ZNF678: variants seen among roughly 807,000 people sequenced by gnomAD.
ZNF678 encodes zinc finger protein 678.
In ZNF678, 5 loss-of-function variants were observed where a neutral mutation model predicts 3.0. That is an observed-to-expected ratio of 1.69 (90% CI 0.88 to 3.56). ZNF678 has a LOEUF of 3.56. Among genes scored for constraint, ZNF678 ranks in the 30% most tolerant of loss-of-function variants. The pLI is 0.00. For synonymous variants in ZNF678, 218 were observed against 199.6 expected (o/e 1.09, Z -0.78); for missense variants, 593 against 605.0 (o/e 0.98, Z 0.21).
At chr1:227,667,730 G>A (rs1209037918) in intron 5 of ZNF678, among the ~76,000 whole-genome samples, 2 of 152,170 alleles carry the variant, frequency 1.3e-5, no homozygotes, top group African/African-American at 2.4e-5. Flanking sequence ...TGTATTTAAT[G>A]TAGTCAGAGA....
Position 227,638,167 on chromosome 1 carries a change from G to A in ZNF678, c.-163-8377G>A, listed in dbSNP as rs367973807. Among the ~76,000 whole-genome samples, 2 of 152,138 alleles carry A rather than the reference G, an allele frequency of 1.3e-5. No homozygotes were observed. The highest frequency in any genetic ancestry group is 4.1e-4 in the South Asian group (2 of 4,822). ...AGCTGACGTGAAAGGTGGGTGTCGG[G>A]GTTTTCCCAAGTAAAGGCAAAGAGG... is the stretch of plus-strand genomic sequence containing the variant. On this transcript the variant is annotated intron_variant, in intron 1 of 3. Coordinates refer to ENST00000343776, the MANE Select transcript of ZNF678 (RefSeq NM_001367909.1). This position sits in a 1 kb window ranked among gnomAD's most constrained non-coding sequence, Gnocchi z 4.2.
intron 1 of ZNF678, among the ~76,000 whole-genome samples, chr1:227,593,855 TCCC>T (rs75114799): frequency 3.1e-4 from 20 of 63,832 alleles, no homozygotes; most frequent in South Asian, 2.4e-3. Flanking sequence ...TATGAGTCCA[TCCC>T]CCCCCCCCCT....
At chr1:227,623,285 A>G (rs745868595) in intron 1 of ZNF678, among the ~76,000 whole-genome samples, 18 of 152,264 alleles carry the variant, frequency 1.2e-4, no homozygotes, top group Admixed American at 5.2e-4. Flanking sequence ...GAAGGAATGC[A>G]GAAAGTAGTA....
chr1:227,598,939 T>G, intron 1 of ZNF678: 1 of 796,272 alleles, frequency 1.3e-6, no homozygotes, highest in Non-Finnish European at 2.2e-6. Context: ...TTTCTAGTTC[T>G]TTCTTCCAGT....
intron 1 of ZNF678, among the ~76,000 whole-genome samples, chr1:227,607,472 T>C (rs1375530815): frequency 6.6e-6 from 1 of 152,110 alleles, no homozygotes; most frequent in Non-Finnish European, 1.5e-5. Flanking sequence ...GGCAGCCTAC[T>C]GTCCTCTTTG....
At chr1:227,679,465 C>T (rs1659732102), downstream of ZNF678, among the ~76,000 whole-genome samples, 1 of 152,100 alleles carries the variant, frequency 6.6e-6, no homozygotes, top group Admixed American at 6.5e-5. Flanking sequence ...AATCCCTGTC[C>T]TGTTCTGTTT....
intron 1 of ZNF678, among the ~76,000 whole-genome samples, chr1:227,631,289 C>T (rs751574448): frequency 5.3e-5 from 8 of 152,166 alleles, no homozygotes; most frequent in Non-Finnish European, 7.3e-5. Context: ...TAGTTATGCT[C>T]ACCAATATAA....
downstream of ZNF678, among the ~76,000 whole-genome samples, chr1:227,678,503 A>G (rs554363637): frequency 1.4e-4 from 21 of 152,256 alleles, no homozygotes; most frequent in South Asian, 3.5e-3. Context: ...AGAACTCTCA[A>G]CTTCTGCCTA....
intron 2 of ZNF678, among the ~76,000 whole-genome samples, chr1:227,649,251 T>G (rs921702307): frequency 1.3e-5 from 2 of 152,202 alleles, no homozygotes; most frequent in African/African-American, 4.8e-5. Flanking sequence ...TTATGATACT[T>G]GTATCTTTTT....
rs1175840027 is a variant in ZNF678, at chr1:227,655,582, A to G, written c.1332A>G (p.Gln444=). 1 of 1,611,436 alleles carries G rather than the reference A, an allele frequency of 6.2e-7. No individual in the cohort carries two copies. The highest frequency in any genetic ancestry group is 8.5e-7 in the Non-Finnish European group (1 of 1,178,730). ...AAGAATGTGGCAAAGCTTTTTACCA[A>G]TCCTCAATCCTTAGTAAGCATAAGA... ...KCKECGKAFY[Q]SSILSKHKRI... The change falls in exon 4 of 4, where the codon CAA becomes CAG. Residue 444 remains glutamine (Q), a synonymous_variant. Transcript: ENST00000343776.
chr1:227,662,125 A>G lies in ZNF678; in HGVS notation c.*6297A>G, dbSNP rs1659421890. The G allele has an allele frequency of 6.6e-6, 1 of 152,212 alleles. No homozygotes were observed. The highest frequency in any genetic ancestry group is 3.2e-3 in the Middle Eastern group (1 of 316). The allele number at this position is 152,212 out of a possible 1,614,324, so 9.4% of individuals were successfully genotyped here. The stretch of plus-strand genomic sequence containing the variant: ...AGGTTGGGGATTGATTCAAACATTA[A>G]TACTTTCAAGCGTTTCTATGGTATT... On this transcript the variant is annotated 3_prime_UTR_variant, in exon 4 of 4. Transcript: ENST00000343776.
At chr1:227,608,196 T>G (rs959985484) in intron 1 of ZNF678, among the ~76,000 whole-genome samples, 11 of 152,108 alleles carry the variant, frequency 7.2e-5, no homozygotes, top group African/African-American at 2.7e-4. Flanking sequence ...CAAAAAGTAT[T>G]ATCTAGCCAT....
At chr1:227,628,914 G>A (rs113480829) in intron 1 of ZNF678, among the ~76,000 whole-genome samples, 2,109 of 152,310 alleles carry the variant, frequency 0.014, 50 homozygotes, top group African/African-American at 0.048. Context: ...TGAGAGTCAG[G>A]ATGTACAGGG....
intron 1 of ZNF678, among the ~76,000 whole-genome samples, chr1:227,645,720 A>C (rs1658939666): frequency 6.6e-6 from 1 of 152,196 alleles, no homozygotes; most frequent in African/African-American, 2.4e-5. Flanking sequence ...TTAGATTCAG[A>C]TTTTGCCTTC....
rs114410267 is a variant in ZNF678 at position 227,626,181 on chromosome 1, G to A, written c.-163-20363G>A. On this transcript the variant is annotated intron_variant, in intron 1 of 3. Transcript: ENST00000343776. ...AAATATGACAAGGGAGGGCCATGGC[G>A]ATCTACGATTGTAGTTACTTTCCTC... 7.6e-3 allele frequency among the ~76,000 whole-genome samples: 1,163 copies of A among 152,250 alleles called. 15 individuals carry two copies. The highest frequency in any genetic ancestry group is 0.027 in the African/African-American group (1,113 of 41,542).
intron 1 of ZNF678, among the ~76,000 whole-genome samples, chr1:227,575,195 CT>C (rs1656957363): frequency 6.6e-6 from 1 of 152,048 alleles, no homozygotes; most frequent in Non-Finnish European, 1.5e-5. Flanking sequence ...CAGCTTTGTT[CT>C]TTTTGCAAGG....
intron 1 of ZNF678, among the ~76,000 whole-genome samples, chr1:227,565,279 T>G (rs1033558055): frequency 6.6e-6 from 1 of 151,694 alleles, no homozygotes; most frequent in Admixed American, 6.6e-5. Flanking sequence ...TTGGCCAGGA[T>G]TGTCTTGATC....
intron 1 of ZNF678, among the ~76,000 whole-genome samples, chr1:227,629,192 G>A (rs959361582): frequency 6.6e-6 from 1 of 152,162 alleles, no homozygotes; most frequent in African/African-American, 2.4e-5. Flanking sequence ...TCGGGTCTAA[G>A]GGGGTACTGC....
intron 1 of ZNF678, among the ~76,000 whole-genome samples, chr1:227,611,423 A>T (rs1033652262): frequency 1.5e-4 from 23 of 152,206 alleles, no homozygotes; most frequent in African/African-American, 5.5e-4. Flanking sequence ...TCACTCACTC[A>T]CAGAGTTCTT....
Sources: allele counts gnomAD v4.1 joint callset (sites outside exome capture counted in the v4.1 genomes callset), GRCh38; gene constraint gnomAD v4.1.1; non-coding constraint Gnocchi (gnomAD v3.1); transcripts MANE v1.5; gene names NCBI Gene and HGNC (gene_info 2026-07-23, HGNC 2026-07-21).